Variants in SLIT3 observed in about 807,000 individuals in gnomAD.
SLIT3 encodes the protein slit homolog 3 protein.
Under a neutral mutation model 184.0 loss-of-function variants are expected in SLIT3, and 68 were observed. That is an observed-to-expected ratio of 0.37 (90% confidence interval 0.30 to 0.45). SLIT3 has a LOEUF of 0.45. Ranked by LOEUF, SLIT3 falls within the 20% of genes least tolerant of loss-of-function variation. SLIT3 has a pLI of 1.00. For missense variants in SLIT3, 1,707 were observed against 2,026.0 expected (o/e 0.84, Z 3.02); for synonymous variants, 831 against 828.6 (o/e 1.00, Z -0.05).
At chr5:169,180,418 T>A (rs1763118240) in intron 4 of SLIT3, among the ~76,000 whole-genome samples, 1 of 152,128 alleles carries the variant, frequency 6.6e-6, no homozygotes, top group Admixed American at 6.5e-5. Flanking sequence ...AAAGAGGAGA[T>A]CTGATTTCCC....
intron 4 of SLIT3, among the ~76,000 whole-genome samples, chr5:169,080,457 G>A (rs527512948): frequency 8.5e-5 from 13 of 152,266 alleles, no homozygotes; most frequent in Non-Finnish European, 1.3e-4. Context: ...AGGAGTCTGC[G>A]GCTGGGAGAC....
At chr5:168,811,097 G>A (rs1757143658) in intron 8 of SLIT3, among the ~76,000 whole-genome samples, 1 of 152,082 alleles carries the variant, frequency 6.6e-6, no homozygotes, top group South Asian at 2.1e-4. Context: ...TGAGATGAGT[G>A]GGAAAAAGAC....
intron 4 of SLIT3, among the ~76,000 whole-genome samples, chr5:169,046,776 A>C (rs886558644): frequency 2.6e-5 from 4 of 152,080 alleles, no homozygotes; most frequent in Non-Finnish European, 2.9e-5. Flanking sequence ...ATGTGTGTAA[A>C]ATTAAAATCA....
rs768493450 is a variant in SLIT3 at position 168,696,274 on chromosome 5, C to CA, written c.3082+17dup. ...ACACCCCTCCACCCCACCATACATA[C>CA]AGTCATGAGATCCTTACCTGTGTAG... On this transcript the variant is annotated intron_variant, in intron 28 of 35. Transcript: ENST00000519560. 1.2e-5 allele frequency: 20 copies of CA among 1,614,108 alleles called. 1 individual carries two copies. The South Asian group carries it at 2.1e-4, about 17-fold the overall frequency.
intron 5 of SLIT3, chr5:168,844,893 C>G: frequency 2.7e-5 from 9 of 331,386 alleles, no homozygotes; most frequent in South Asian, 1.2e-4. Context: ...ATATTAATTG[C>G]GCATTTTTTT....
chr5:169,215,354 C>T (rs958721228), intron 3 of SLIT3, among the ~76,000 whole-genome samples: 1 of 152,200 alleles, frequency 6.6e-6, no homozygotes, highest in South Asian at 2.1e-4. Flanking sequence ...TCTAGGAAGT[C>T]TGTCTGATCC....
At chr5:168,829,493 A>T (rs1757812702) in intron 6 of SLIT3, among the ~76,000 whole-genome samples, 1 of 152,210 alleles carries the variant, frequency 6.6e-6, no homozygotes, top group African/African-American at 2.4e-5. Flanking sequence ...CTCAAGGCAG[A>T]TAGACTTCTC....
intron 4 of SLIT3, among the ~76,000 whole-genome samples, chr5:168,959,225 T>C: frequency 6.6e-6 from 1 of 152,242 alleles, no homozygotes; most frequent in Non-Finnish European, 1.5e-5. Context: ...GATGCCAACT[T>C]GTGACTTTGT....
At position 169,174,211 on chromosome 5, in the gene SLIT3, G is replaced by A. The variant is rs571264712; in HGVS notation, c.413+19268C>T. ...TACCTCAAGGCTCTGCACTGCCAATGTTGTTGCTTGTTGGTTCATTTTCCC... is the reference window on the plus strand; with the variant it reads ...TACCTCAAGGCTCTGCACTGCCAATATTGTTGCTTGTTGGTTCATTTTCCC... On this transcript the variant is annotated intron_variant, in intron 4 of 35. Transcript: ENST00000519560. 4.6e-5 allele frequency among the ~76,000 whole-genome samples: 7 copies of A among 152,276 alleles called. No homozygotes were observed. The South Asian group carries it at 1.5e-3, about 32-fold the overall frequency.
rs774995897 is a variant in SLIT3, at chr5:168,671,189, G to A, written c.4127+9C>T. 32 of 1,601,072 alleles carry A rather than the reference G, an allele frequency of 2.0e-5. No individual in the cohort carries two copies. The highest frequency in any genetic ancestry group is 2.6e-5 in the Non-Finnish European group (31 of 1,171,338). The stretch of plus-strand genomic sequence containing the variant: ...TCGAGCACACAGCCAGGGCTCCTGG[G>A]ACACTGACCTGTGGCCGAGGCAGGG... On this transcript the variant is annotated intron_variant, in intron 34 of 35. Transcript: ENST00000519560.
chr5:168,947,693 A>C (rs548795761), intron 4 of SLIT3, among the ~76,000 whole-genome samples: 1 of 152,314 alleles, frequency 6.6e-6, no homozygotes, highest in East Asian at 1.9e-4. Context: ...TGTGCCCCAC[A>C]TGCAGGGCCT....
At chr5:169,132,263 G>A (rs1761329568) in intron 4 of SLIT3, among the ~76,000 whole-genome samples, 1 of 152,096 alleles carries the variant, frequency 6.6e-6, no homozygotes, top group Admixed American at 6.6e-5. Flanking sequence ...CAGAAGACAG[G>A]AACCTCAAAG....
At chr5:168,717,923 G>C (rs981833148) in intron 23 of SLIT3, 4 of 152,188 alleles carry the variant, frequency 2.6e-5, no homozygotes, top group African/African-American at 9.7e-5. Context: ...GCCTCCCAAA[G>C]TGCTGGGATT....
intron 28 of SLIT3, among the ~76,000 whole-genome samples, chr5:168,694,829 G>C (rs1042677495): frequency 1.3e-5 from 2 of 152,196 alleles, no homozygotes; most frequent in African/African-American, 4.8e-5. Context: ...ATGTTGGCCA[G>C]GCTGGTCTCG....
intron 32 of SLIT3, among the ~76,000 whole-genome samples, chr5:168,682,105 A>C (rs1346231523): frequency 6.6e-6 from 1 of 152,150 alleles, no homozygotes; most frequent in East Asian, 1.9e-4. Flanking sequence ...AGGGACACAG[A>C]TGTTAGGCGG....
At chr5:168,846,862 G>A (rs556144130) in intron 5 of SLIT3, among the ~76,000 whole-genome samples, 1 of 152,156 alleles carries the variant, frequency 6.6e-6, no homozygotes, top group East Asian at 1.9e-4. Context: ...AATTTTATGT[G>A]GAAAGAATGG....
intron 1 of SLIT3, among the ~76,000 whole-genome samples, chr5:169,288,407 A>G (rs1399901262): frequency 2.6e-5 from 4 of 151,692 alleles, no homozygotes; most frequent in African/African-American, 9.7e-5. Context: ...GAGGCTTTCT[A>G]CATATTTGTA....
intron 12 of SLIT3, among the ~76,000 whole-genome samples, chr5:168,775,584 C>T (rs56005197): frequency 0.18 from 27,567 of 152,096 alleles, 2,680 homozygotes; most frequent in African/African-American, 0.23. Context: ...AGGATATCTA[C>T]CATTGGCCTT....
chr5:168,724,792 ATTTG>A (rs1329599300), intron 20 of SLIT3, among the ~76,000 whole-genome samples: 1 of 152,150 alleles, frequency 6.6e-6, no homozygotes, highest in Non-Finnish European at 1.5e-5. Flanking sequence ...TTCAATAAAT[ATTTG>A]TTTAATAAAT....
Sources: allele counts gnomAD v4.1 joint callset (sites outside exome capture counted in the v4.1 genomes callset), GRCh38; gene constraint gnomAD v4.1.1; transcripts MANE v1.5; gene names NCBI Gene and HGNC (gene_info 2026-07-23, HGNC 2026-07-21).